Variants in IFT80 observed in about 807,000 individuals in gnomAD.
IFT80 encodes the protein intraflagellar transport 80.
Under a neutral mutation model 107.9 loss-of-function variants are expected in IFT80, and 79 were observed. The observed-to-expected ratio is 0.73, with a 90% CI of 0.61 to 0.88. IFT80 has a LOEUF of 0.88. IFT80 is among the 40% of genes least tolerant of loss of function. IFT80 has a pLI of 0.00. For missense variants in IFT80, 797 were observed against 914.2 expected, an observed-to-expected ratio of 0.87 and a Z score of 1.65; for synonymous variants, 299 against 300.9, an observed-to-expected ratio of 0.99 and a Z score of 0.07.
At chr3:160,360,198 A>C (rs1030778701) in intron 6 of IFT80, among the ~76,000 whole-genome samples, 1 of 152,238 alleles carries the variant, frequency 6.6e-6, no homozygotes, top group African/African-American at 2.4e-5. Context: ...GATGAGAACT[A>C]CTTGACACAT....
chr3:160,321,642 C>T (rs540997236), intron 8 of IFT80, among the ~76,000 whole-genome samples: 10 of 151,708 alleles, frequency 6.6e-5, no homozygotes, highest in African/African-American at 2.2e-4. Flanking sequence ...TTAACAATGT[C>T]TAATAATACA....
intron 12 of IFT80, among the ~76,000 whole-genome samples, chr3:160,294,076 A>C (rs985754651): frequency 6.6e-6 from 1 of 152,104 alleles, no homozygotes; most frequent in Non-Finnish European, 1.5e-5. Flanking sequence ...ATTCTAACAA[A>C]TTATTGAACT....
intron 10 of IFT80, 105 bp from the exon 11 acceptor site, chr3:160,304,094 C>A: frequency 1.3e-6 from 1 of 750,672 alleles, no homozygotes; most frequent in Non-Finnish European, 2.4e-6. Context: ...AGTTTCATAG[C>A]AATTATATAC....
intron 2 of IFT80, chr3:160,383,910 A>C: frequency 1.0e-6 from 1 of 985,436 alleles, no homozygotes; most frequent in African/African-American, 1.7e-5. Context: ...GAATGAATAC[A>C]TGCTAGATCA....
At chr3:160,287,162 G>A (rs1384655077) in intron 12 of IFT80, among the ~76,000 whole-genome samples, 2 of 152,200 alleles carry the variant, frequency 1.3e-5, no homozygotes, top group Non-Finnish European at 2.9e-5. Context: ...GGAAGGTGAT[G>A]TGTCCTGAGA....
chr3:160,339,013 T>C (rs186242576), intron 8 of IFT80, among the ~76,000 whole-genome samples: 6 of 152,292 alleles, frequency 3.9e-5, no homozygotes, highest in Admixed American at 3.3e-4. Context: ...GAAATCTCAA[T>C]GAAAGGTAAC....
In IFT80 at chr3:160,374,323, C is replaced by T. The variant is rs115974010; in HGVS notation, c.439+1489G>A. ...ACTTGGGAAGCTGAGGTGGCAAGAT[C>T]GATTGAGTCCAGGAGGAGGAGGTTA... On this transcript the variant is annotated intron_variant, in intron 5 of 19. Transcript: ENST00000326448. 2.4e-3 allele frequency among the ~76,000 whole-genome samples: 364 copies of T among 150,376 alleles called. 4 individuals are homozygous for T. Among genetic ancestry groups the T allele is most frequent in the African/African-American group, 8.5e-3 (349 of 40,848 alleles).
intron 8 of IFT80, among the ~76,000 whole-genome samples, chr3:160,355,148 T>G (rs1053042590): frequency 6.6e-6 from 1 of 152,220 alleles, no homozygotes; most frequent in Non-Finnish European, 1.5e-5. Context: ...TTCCCCAGGT[T>G]CTAAACAGAA....
chr3:160,294,349 T>C (rs780110246), intron 12 of IFT80, among the ~76,000 whole-genome samples: 4 of 152,170 alleles, frequency 2.6e-5, no homozygotes, highest in Non-Finnish European at 4.4e-5. Flanking sequence ...GCCTCCCAAG[T>C]AGCTGGGAGT....
At chr3:160,359,439 C>T (rs543638205) in intron 6 of IFT80, among the ~76,000 whole-genome samples, 12 of 152,218 alleles carry the variant, frequency 7.9e-5, no homozygotes, top group African/African-American at 1.4e-4. Flanking sequence ...ACACAGAAGA[C>T]GGGTGATTTC....
intron 6 of IFT80, among the ~76,000 whole-genome samples, chr3:160,362,736 T>C (rs1316392933): frequency 1.3e-5 from 2 of 152,092 alleles, no homozygotes; most frequent in Non-Finnish European, 2.9e-5. Flanking sequence ...AGAAACGTAA[T>C]CCATCACATA....
At chr3:160,381,802 G>A (rs946827479) in intron 2 of IFT80, 78 bp from the exon 3 acceptor site, 34 of 1,176,644 alleles carry the variant, frequency 2.9e-5, no homozygotes, top group Non-Finnish European at 4.1e-5. Context: ...CAGATTATAA[G>A]GTATAAGTAA....
intron 10 of IFT80, among the ~76,000 whole-genome samples, chr3:160,307,324 T>G (rs978147615): frequency 6.6e-6 from 1 of 152,030 alleles, no homozygotes; most frequent in African/African-American, 2.4e-5. Flanking sequence ...ATTCAAAAAA[T>G]TTTTTGTAGA....
In IFT80 at chr3:160,309,303, G is replaced by A. The variant is rs535493159; in HGVS notation, c.958-1522C>T. ...CCTAAATGTCTATTGATAAGGGACA[G>A]GTTGTATAAACTATGATATAGTCAC... On this transcript the variant is annotated intron_variant, in intron 9 of 19. Coordinates refer to ENST00000326448, the MANE Select transcript of IFT80 (RefSeq NM_020800.3). 1.2e-4 allele frequency among the ~76,000 whole-genome samples: 18 copies of A among 152,300 alleles called. No individual in the cohort carries two copies. In the South Asian group the frequency reaches 3.5e-3, roughly 30 times the overall value.
At position 160,279,283 on chromosome 3, in the gene IFT80, G is replaced by A; in HGVS notation, c.1746C>T (p.His582=). 1 of 1,612,540 alleles carries A rather than the reference G, an allele frequency of 6.2e-7. No homozygotes were observed. Among genetic ancestry groups the A allele is most frequent in the South Asian group, 1.1e-5 (1 of 91,040 alleles). ...TAGCAGGATATGGTGTTATGCTGAT[G>A]TGAACCAGGGAGCCATCAGCTCTTC... The part of the protein sequence containing the change: ...TIRRADGSLV[H]ISITPYPAIL... Residue 582 remains histidine, a synonymous_variant, in exon 16 of 20, where the codon CAC becomes CAT. Transcript: ENST00000326448.
intron 11 of IFT80, among the ~76,000 whole-genome samples, chr3:160,302,811 C>T (rs984625063): frequency 2.0e-5 from 3 of 151,980 alleles, no homozygotes; most frequent in African/African-American, 7.2e-5. Context: ...AAATAGATAA[C>T]ATAAAATTTG....
At chr3:160,383,436 C>T (rs1275618755) in intron 2 of IFT80, 1 of 956,836 alleles carries the variant, frequency 1.0e-6, no homozygotes, top group African/African-American at 1.8e-5. Flanking sequence ...AAAACACCTA[C>T]CAATTTAAAA....
At chr3:160,280,620 A>AG (rs1281110742) in intron 15 of IFT80, 47 bp downstream of exon 15, 7 of 1,503,742 alleles carry the variant, frequency 4.7e-6, no homozygotes, top group Non-Finnish European at 6.5e-6. Context: ...ATACTCTATT[A>AG]GAGTTTTATT....
rs1381080267 is a variant in IFT80, at chr3:160,356,124, C to A, written c.666G>T (p.Leu222=). 6.2e-7 allele frequency: 1 copy of A among 1,614,090 alleles called. No homozygotes were observed. The highest frequency in any genetic ancestry group is 8.5e-7 in the Non-Finnish European group (1 of 1,179,962). ...GATGCTCATGAGGTTGTGAATTGTACAGTGGGCGGCCGTAACTATCCCATA... is the reference window on the plus strand; with the variant it reads ...GATGCTCATGAGGTTGTGAATTGTAAAGTGGGCGGCCGTAACTATCCCATA... The part of the protein sequence containing the change: ...YKVWDSYGRP[L]YNSQPHEHPI... The change falls in exon 8 of 20, where the codon CTG becomes CTT. Residue 222 remains leucine, a synonymous_variant. Transcript: ENST00000326448.
Sources: gnomAD v4.1 joint callset for allele counts (sites outside exome capture counted in the v4.1 genomes callset) on GRCh38, gnomAD v4.1.1 for gene constraint, MANE v1.5 for transcripts, NCBI Gene and HGNC (gene_info 2026-07-23, HGNC 2026-07-21) for gene names.